Variants in FAM168A observed in about 807,000 individuals in gnomAD.
FAM168A encodes the protein family with sequence similarity 168 member A.
A neutral mutation model predicts 28.5 loss-of-function variants in FAM168A; 3 were observed. That is an observed-to-expected ratio of 0.11 (90% CI 0.05 to 0.27). The LOEUF (loss-of-function observed/expected upper bound fraction) is 0.27, where lower values mean the gene tolerates loss of function less well. Among genes scored for constraint, FAM168A ranks in the 10% least tolerant of loss-of-function variants. The pLI, the probability that FAM168A is intolerant of heterozygous loss-of-function variation, is 1.00. For synonymous variants in FAM168A, 122 were observed against 124.2 expected, an observed-to-expected ratio of 0.98 and a Z score of 0.12; for missense variants, 222 against 311.5, an observed-to-expected ratio of 0.71 and a Z score of 2.16.
intron 1 of FAM168A, among the ~76,000 whole-genome samples, chr11:73,471,680 TGAG>T (rs1867815827): frequency 6.6e-6 from 1 of 152,206 alleles, no homozygotes; most frequent in Admixed American, 6.5e-5. Flanking sequence ...TTGCCCAGTT[TGAG>T]GACCATGCCT....
rs981647112 is a variant in FAM168A, at chr11:73,433,068, C to T, written c.71-2298G>A. On this transcript the variant is annotated intron_variant, in intron 2 of 7. Transcript: ENST00000356467. Reference sequence around the variant, plus strand: ...CTAGGCCTACAGGTGCGTGCCACCACGCCCCGCCTTTTTTTTTTTTTTTTT... The same window carrying T: ...CTAGGCCTACAGGTGCGTGCCACCATGCCCCGCCTTTTTTTTTTTTTTTTT... Among the ~76,000 whole-genome samples the T allele has an allele frequency of 1.4e-4, 19 of 140,732 alleles. No homozygotes were observed. The East Asian group carries it at 2.0e-3, about 15-fold the overall frequency. 92.3% of individuals were successfully genotyped at this position (140,732 alleles called of 152,430 possible).
At chr11:73,456,627 T>C (rs1484260008) in intron 2 of FAM168A, among the ~76,000 whole-genome samples, 1 of 152,276 alleles carries the variant, frequency 6.6e-6, no homozygotes, top group Non-Finnish European at 1.5e-5. Flanking sequence ...TTCATTGTTA[T>C]TGTTTTAAGG....
At chr11:73,424,584 G>A (rs1158651403) in intron 3 of FAM168A, among the ~76,000 whole-genome samples, 1 of 152,100 alleles carries the variant, frequency 6.6e-6, no homozygotes, top group East Asian at 1.9e-4. Context: ...AGTCAACCAG[G>A]TCTTCAAACA....
At chr11:73,502,232 T>C (rs964465636) in intron 1 of FAM168A, among the ~76,000 whole-genome samples, 3 of 138,154 alleles carry the variant, frequency 2.2e-5, no homozygotes, top group Admixed American at 1.4e-4. Context: ...TCTGAAAAAA[T>C]TAACAAAATA....
chr11:73,409,718 GA>G, intron 5 of FAM168A, 57 bp from the exon 6 acceptor site: 2 of 1,535,500 alleles, frequency 1.3e-6, no homozygotes, highest in Non-Finnish European at 1.8e-6. Flanking sequence ...GGGATATGGA[GA>G]GAGCAGCACT....
rs58430278 is a variant in FAM168A at position 73,442,955 on chromosome 11, GATATATATATATATATATATATAT to G, written c.71-12209_71-12186del. The stretch of plus-strand genomic sequence containing the variant: ...GGAATTTTCCTTTATATATACAAAG[GATATATATATATATATATATATAT>G]ATATATATATATATATATGCCAAGC... On this transcript the variant is annotated intron_variant, in intron 2 of 7. Coordinates refer to ENST00000356467, the MANE Select transcript of FAM168A (RefSeq NM_015159.3). 1.9e-3 allele frequency among the ~76,000 whole-genome samples: 76 copies of G among 40,234 alleles called. 4 individuals are homozygous for G. The South Asian group carries it at 0.074, about 39-fold the overall frequency. The allele number at this position is 40,234 out of a possible 152,430, so 26.4% of individuals were successfully genotyped here. A position where few individuals can be genotyped will look rare whatever the true frequency, so the allele number is the denominator to read the frequency against.
intron 2 of FAM168A, among the ~76,000 whole-genome samples, chr11:73,434,716 A>G (rs1021662019): frequency 6.6e-6 from 1 of 152,252 alleles, no homozygotes; most frequent in African/African-American, 2.4e-5. Context: ...AGAAGACCTC[A>G]TAGGGTTTTC....
At chr11:73,458,315 C>T (rs1264814697) in intron 2 of FAM168A, among the ~76,000 whole-genome samples, 1 of 152,140 alleles carries the variant, frequency 6.6e-6, no homozygotes, top group East Asian at 1.9e-4. Context: ...ATTTTGTAAC[C>T]CAGGAAAGTA....
chr11:73,462,327 G>A (rs1454438309), intron 2 of FAM168A, among the ~76,000 whole-genome samples: 1 of 152,176 alleles, frequency 6.6e-6, no homozygotes, highest in African/African-American at 2.4e-5. Flanking sequence ...ATTAGGCTGA[G>A]TGAAATAAGC....
chr11:73,591,588 T>C (rs1159344095), intron 1 of FAM168A, among the ~76,000 whole-genome samples: 1 of 152,198 alleles, frequency 6.6e-6, no homozygotes, highest in African/African-American at 2.4e-5. Flanking sequence ...TAGCTCACTG[T>C]AGCCTCAAAT....
chr11:73,544,923 A>T (rs1207913727), intron 1 of FAM168A, among the ~76,000 whole-genome samples: 7 of 88,354 alleles, frequency 7.9e-5, no homozygotes, highest in African/African-American at 1.8e-4. Flanking sequence ...TATTATATAT[A>T]ATATAAAATA....
At chr11:73,567,976 T>C (rs910141327) in intron 1 of FAM168A, among the ~76,000 whole-genome samples, 1 of 152,234 alleles carries the variant, frequency 6.6e-6, no homozygotes, top group Non-Finnish European at 1.5e-5. Flanking sequence ...CACTGAATGT[T>C]TGGGTCTCTT....
At chr11:73,473,963 C>A (rs1867851760) in intron 1 of FAM168A, among the ~76,000 whole-genome samples, 1 of 152,032 alleles carries the variant, frequency 6.6e-6, no homozygotes, top group South Asian at 2.1e-4. Context: ...GCACCCACCA[C>A]CACACCCAAC....
At position 73,482,636 on chromosome 11, in the gene FAM168A, C is replaced by T. The variant is rs565843169; in HGVS notation, c.-18-14144G>A. Among the ~76,000 whole-genome samples the T allele has an allele frequency of 8.6e-5, 13 of 151,782 alleles. No homozygotes were observed. The South Asian group carries it at 2.3e-3, about 27-fold the overall frequency. On this transcript the variant is annotated intron_variant, in intron 1 of 7. Transcript: ENST00000356467. The stretch of plus-strand genomic sequence containing the variant: ...ACTAGATTATAAATTCTCAACAGCA[C>T]GTTTATAGCATGCAAAATAATCACC...
intron 1 of FAM168A, among the ~76,000 whole-genome samples, chr11:73,541,158 A>G (rs975684011): frequency 1.3e-5 from 2 of 151,888 alleles, no homozygotes; most frequent in Non-Finnish European, 2.9e-5. Flanking sequence ...TGAGCCAAGA[A>G]TGCATTACCG....
chr11:73,593,383 G>T (rs953413402), intron 1 of FAM168A, among the ~76,000 whole-genome samples: 8 of 152,172 alleles, frequency 5.3e-5, no homozygotes, highest in African/African-American at 1.9e-4. Flanking sequence ...AAATGGGGAT[G>T]ACAAATTAGA....
intron 2 of FAM168A, 21 bp from the exon 3 acceptor site, chr11:73,430,791 G>C (rs1866976242): frequency 1.9e-6 from 3 of 1,541,354 alleles, no homozygotes; most frequent in Non-Finnish European, 1.8e-6. Context: ...ATAAGAAAAG[G>C]CTTATTTAGT....
chr11:73,537,041 A>G (rs77163335), intron 1 of FAM168A, among the ~76,000 whole-genome samples: 5,960 of 152,288 alleles, frequency 0.039, 402 homozygotes, highest in African/African-American at 0.14. Context: ...TTCAGAAGTC[A>G]GGGAGAACTT....
At chr11:73,488,720 G>C (rs1868087956) in intron 1 of FAM168A, among the ~76,000 whole-genome samples, 1 of 151,868 alleles carries the variant, frequency 6.6e-6, no homozygotes, top group Admixed American at 6.6e-5. Flanking sequence ...ACCAAACAAA[G>C]GACACTACTT....
Sources: allele counts gnomAD v4.1 joint callset (sites outside exome capture counted in the v4.1 genomes callset), GRCh38; gene constraint gnomAD v4.1.1; transcripts MANE v1.5; gene names NCBI Gene and HGNC (gene_info 2026-07-23, HGNC 2026-07-21).